The following NUBP1 variants were observed in gnomAD, a reference collection of about 807,000 sequenced individuals.
NUBP1 encodes the protein cytosolic Fe-S cluster assembly factor NUBP1.
NUBP1 carries 46 observed loss-of-function variants against 41.8 expected under a neutral mutation model. The ratio of observed to expected loss-of-function variants is 1.10; its 90% CI spans 0.87 to 1.41. The LOEUF is 1.41. NUBP1 is among the 40% of genes most tolerant of loss of function. The pLI is 0.00. For synonymous variants in NUBP1, 189 were observed against 154.6 expected (o/e 1.22, Z -1.65); for missense variants, 494 against 414.0 (o/e 1.19, Z -1.68).
intron 4 of NUBP1, among the ~76,000 whole-genome samples, chr16:10,752,957 A>G (rs1900391224): frequency 6.6e-6 from 1 of 151,980 alleles, no homozygotes; most frequent in Admixed American, 6.6e-5. Flanking sequence ...ATCATGCCCA[A>G]CTAATTTTTG....
chr16:10,747,200 C>G lies in NUBP1; in HGVS notation c.182C>G (p.Ser61Cys). ...KTVKHKILVL[S>C]GKGGVGKSTF... ...GTAAAACACAAAATCTTGGTATTGT[C>G]TGGGAAAGGCGGTGTTGGGAAAAGC... Residue 61 changes from serine to cysteine, a missense_variant, in exon 3 of 11, where the codon TCT (serine) becomes TGT (cysteine). By Grantham distance (112) the Ser-to-Cys change is moderately radical. Coordinates refer to ENST00000283027, the MANE Select transcript of NUBP1 (RefSeq NM_002484.4). 6.2e-7 allele frequency: 1 copy of G among 1,614,206 alleles called. No homozygotes were observed. Among genetic ancestry groups the G allele is most frequent in the Non-Finnish European group, 8.5e-7 (1 of 1,180,042 alleles).
At position 10,759,248 on chromosome 16, in the gene NUBP1, G is replaced by A. The variant is rs994038812; in HGVS notation, c.606+1221G>A. The stretch of plus-strand genomic sequence containing the variant: ...ACACAGGTGCTGGACACAGGGATGA[G>A]GGTACAGCCAATGGAGTGGCAGGCC... On this transcript the variant is annotated intron_variant, in intron 7 of 10. Transcript: ENST00000283027. This position sits in a 1 kb window ranked among gnomAD's most constrained non-coding sequence, Gnocchi z 4.7. Among the ~76,000 whole-genome samples the A allele has an allele frequency of 6.6e-6, 1 of 152,190 alleles. No homozygotes were observed. The highest frequency in any genetic ancestry group is 2.4e-5 in the African/African-American group (1 of 41,450).
chr16:10,769,189 G>A lies in NUBP1; in HGVS notation c.*84G>A, dbSNP rs533400522. 6.3e-6 allele frequency: 8 copies of A among 1,271,462 alleles called. No homozygotes were observed. Among genetic ancestry groups the A allele is most frequent in the Non-Finnish European group, 9.1e-6 (8 of 875,552 alleles). 78.8% of individuals were successfully genotyped at this position (1,271,462 alleles called of 1,614,324 possible). On this transcript the variant is annotated 3_prime_UTR_variant, in exon 11 of 11. Coordinates refer to ENST00000283027, the MANE Select transcript of NUBP1 (RefSeq NM_002484.4). ...TCCAGCCAGACCCGACCAGCTCCGG[G>A]ATGGGGTGGGTCACAGCAAAAGGAC...
At chr16:10,761,945 G>A in intron 9 of NUBP1, 86 bp downstream of exon 9, 1 of 1,033,554 alleles carries the variant, frequency 9.7e-7, no homozygotes. Flanking sequence ...CGGCTACAGA[G>A]AGGGGCAATG....
chr16:10,763,360 G>C lies in NUBP1; in HGVS notation c.820+1501G>C, dbSNP rs141957867. On this transcript the variant is annotated intron_variant, in intron 9 of 10. Coordinates refer to ENST00000283027, the MANE Select transcript of NUBP1 (RefSeq NM_002484.4). ...GCCTCGAGGAAGTGGTAGGGGGGTA[G>C]GGTGCGAGGGCCACTCTGAAGATGG... Among the ~76,000 whole-genome samples the C allele has an allele frequency of 2.1e-3, 313 of 152,232 alleles. 2 individuals are homozygous for C. Among genetic ancestry groups the C allele is most frequent in the African/African-American group, 7.3e-3 (303 of 41,508 alleles).
intron 2 of NUBP1, among the ~76,000 whole-genome samples, chr16:10,746,591 A>G (rs1269162891): frequency 6.6e-6 from 1 of 152,098 alleles, no homozygotes; most frequent in African/African-American, 2.4e-5. Flanking sequence ...AAATACAAAA[A>G]TTAGCCAGGC....
At chr16:10,753,088 C>T (rs1479984276) in intron 4 of NUBP1, among the ~76,000 whole-genome samples, 7 of 151,190 alleles carry the variant, frequency 4.6e-5, no homozygotes, top group Non-Finnish European at 1.0e-4. Flanking sequence ...GCCACCGCAC[C>T]TGGCCTGTAA....
rs2233538 is a variant in NUBP1, at chr16:10,761,323, G to A, written c.607-41G>A. ...CGGTTGCACAGACATTCCCTTTCTCGCACTTTGATGCTGGAATCACTGGTC... is the reference window on the plus strand; with the variant it reads ...CGGTTGCACAGACATTCCCTTTCTCACACTTTGATGCTGGAATCACTGGTC... On this transcript the variant is annotated intron_variant, in intron 7 of 10. Coordinates refer to ENST00000283027, the MANE Select transcript of NUBP1 (RefSeq NM_002484.4). The A allele has an allele frequency of 5.4e-5, 86 of 1,578,866 alleles. No homozygotes were observed. In the East Asian group the frequency reaches 1.3e-3, roughly 23 times the overall value.
chr16:10,743,878 T>A lies in NUBP1; in HGVS notation c.15T>A (p.Pro5=). The A allele has an allele frequency of 6.4e-7, 1 of 1,567,480 alleles. No individual in the cohort carries two copies. Residue 5 remains proline (P), a synonymous_variant, in exon 1 of 11, where the codon CCT becomes CCA. Transcript: ENST00000283027. ...AAGGCGACGGAATGGAGGAGGTGCC[T>A]CACGGTAAGCTCGCGGAGGGGGCGT... is the stretch of plus-strand genomic sequence containing the variant. MEEV[P]HDCPGADSAQ... is the part of the protein sequence containing the mutation.
intron 2 of NUBP1, 73 bp downstream of exon 2, chr16:10,744,138 G>A (rs1214088799): frequency 9.6e-6 from 12 of 1,254,214 alleles, no homozygotes; most frequent in Non-Finnish European, 1.3e-5. Context: ...GGGAGGGAGG[G>A]GGCGGGATCT....
rs1251393900 is a variant in NUBP1, at chr16:10,761,995, C to G, written c.820+136C>G. ...AATGGGGCGCTGGAGCCAGACCCAC[C>G]CTCCAGCTGGCACCCCAAGAGGCCA... is the stretch of plus-strand genomic sequence containing the variant. On this transcript the variant is annotated intron_variant, in intron 9 of 10. Transcript: ENST00000283027. 1.7e-5 allele frequency: 11 copies of G among 660,368 alleles called. 1 individual carries two copies. Among genetic ancestry groups the G allele is most frequent in the Middle Eastern group, 7.9e-4 (2 of 2,542 alleles). 40.9% of individuals were successfully genotyped at this position (660,368 alleles called of 1,614,324 possible). A position where few individuals can be genotyped will look rare whatever the true frequency, so the allele number is the denominator to read the frequency against.
chr16:10,745,516 C>A (rs1481139019), intron 2 of NUBP1, among the ~76,000 whole-genome samples: 1 of 152,136 alleles, frequency 6.6e-6, no homozygotes, highest in Non-Finnish European at 1.5e-5. Flanking sequence ...AGAGACTGAA[C>A]TGAGCCTCAG....
At chr16:10,760,730 G>C (rs1001958987) in intron 7 of NUBP1, among the ~76,000 whole-genome samples, 10 of 151,668 alleles carry the variant, frequency 6.6e-5, no homozygotes, top group African/African-American at 2.4e-4. Flanking sequence ...GTGAGATCCT[G>C]TCTCTAAAAA....
At chr16:10,752,347 A>T (rs1452852327) in intron 3 of NUBP1, among the ~76,000 whole-genome samples, 1 of 152,064 alleles carries the variant, frequency 6.6e-6, no homozygotes, top group Non-Finnish European at 1.5e-5. Flanking sequence ...CCGAGCCTCC[A>T]AGTGACCTGA....
intron 4 of NUBP1, among the ~76,000 whole-genome samples, chr16:10,754,878 CTACA>C (rs972892787): frequency 2.0e-5 from 3 of 151,958 alleles, no homozygotes; most frequent in African/African-American, 7.2e-5. Flanking sequence ...AACCCCGTCT[CTACA>C]AAAAATACAA....
At chr16:10,761,890 A>G in intron 9 of NUBP1, 31 bp downstream of exon 9, 1 of 1,545,408 alleles carries the variant, frequency 6.5e-7, no homozygotes, top group East Asian at 2.3e-5. Context: ...GCGGCACCTC[A>G]CTCCTCGGTC....
rs1009427856 is a variant in NUBP1 at position 10,749,736 on chromosome 16, G to T, written c.258+2460G>T. 6.6e-6 allele frequency among the ~76,000 whole-genome samples: 1 copy of T among 152,236 alleles called. No individual in the cohort carries two copies. Among genetic ancestry groups the T allele is most frequent in the African/African-American group, 2.4e-5 (1 of 41,448 alleles). The stretch of plus-strand genomic sequence containing the variant: ...CTGACCTTTTTCTGCCTGCCATCTG[G>T]TGGAAGCTTGGCTCTAACTCTGTGC... On this transcript the variant is annotated intron_variant, in intron 3 of 10. Coordinates refer to ENST00000283027, the MANE Select transcript of NUBP1 (RefSeq NM_002484.4). This position sits in a 1 kb window ranked among gnomAD's most constrained non-coding sequence, Gnocchi z 4.1.
intron 7 of NUBP1, 31 bp from the exon 8 acceptor site, chr16:10,761,333 G>T: frequency 1.2e-6 from 2 of 1,600,138 alleles, no homozygotes; most frequent in Non-Finnish European, 1.7e-6. Flanking sequence ...GCACTTTGAT[G>T]CTGGAATCAC....
chr16:10,762,024 G>A, intron 9 of NUBP1, 165 bp downstream of exon 9: 1 of 581,696 alleles, frequency 1.7e-6, no homozygotes, highest in Non-Finnish European at 3.0e-6. Flanking sequence ...GAGGCCACCG[G>A]GAGAGAGGCC....
Sources: allele counts gnomAD v4.1 joint callset (sites outside exome capture counted in the v4.1 genomes callset), GRCh38; gene constraint gnomAD v4.1.1; non-coding constraint Gnocchi (gnomAD v3.1); transcripts MANE v1.5; gene names NCBI Gene and HGNC (gene_info 2026-07-23, HGNC 2026-07-21).